FSHR: variants seen among roughly 807,000 people sequenced by gnomAD.
The protein encoded by FSHR is follicle stimulating hormone receptor.
A neutral mutation model predicts 52.1 loss-of-function variants in FSHR; 46 were observed. That is an observed-to-expected ratio of 0.88 (90% confidence interval 0.70 to 1.13). FSHR has a LOEUF of 1.13. FSHR is among the 50% of genes most tolerant of loss of function. The probability of loss-of-function intolerance (pLI) is 0.00; values close to 1 mark genes in which losing one functional copy is unlikely to be tolerated. For missense variants in FSHR, 964 were observed against 834.6 expected, an observed-to-expected ratio of 1.16 and a Z score of -1.91; for synonymous variants, 399 against 309.6, an observed-to-expected ratio of 1.29 and a Z score of -3.03.
chr2:49,122,938 C>T (rs892351236), intron 1 of FSHR, among the ~76,000 whole-genome samples: 5 of 152,144 alleles, frequency 3.3e-5, no homozygotes, highest in Admixed American at 6.5e-5. Context: ...TGGAGTCTAT[C>T]TGCCTAGCCC....
chr2:49,056,385 C>T (rs1669062727), intron 2 of FSHR, among the ~76,000 whole-genome samples: 1 of 148,616 alleles, frequency 6.7e-6, no homozygotes, highest in Non-Finnish European at 1.5e-5. Flanking sequence ...TAAAAAGAGA[C>T]ACAAATTAAC....
At chr2:49,008,950 G>C (rs927809299) in intron 4 of FSHR, among the ~76,000 whole-genome samples, 2 of 152,000 alleles carry the variant, frequency 1.3e-5, no homozygotes, top group Non-Finnish European at 2.9e-5. Flanking sequence ...TAAGTAGGTT[G>C]CGAAAATTTT....
intron 1 of FSHR, among the ~76,000 whole-genome samples, chr2:49,123,126 C>T (rs1055121305): frequency 1.3e-5 from 2 of 152,116 alleles, no homozygotes; most frequent in African/African-American, 4.8e-5. Context: ...CATATAGAGT[C>T]TATTTTCCCT....
chr2:49,151,584 A>G (rs2103862867), intron 1 of FSHR, among the ~76,000 whole-genome samples: 2 of 152,264 alleles, frequency 1.3e-5, no homozygotes, highest in East Asian at 3.9e-4. Flanking sequence ...AAAAATGTAC[A>G]TAGTAAAATG....
At chr2:49,017,440 C>T in intron 4 of FSHR, 49 bp downstream of exon 4, 3 of 1,398,682 alleles carry the variant, frequency 2.1e-6, no homozygotes, top group Non-Finnish European at 2.0e-6. Flanking sequence ...GTAAAATAGG[C>T]TTGCACTATT....
intron 4 of FSHR, chr2:49,014,697 C>T (rs1238064277): frequency 4.0e-6 from 1 of 247,424 alleles, no homozygotes; most frequent in Admixed American, 5.4e-5. Flanking sequence ...TCTCATTTAC[C>T]TGTTTCCAAT....
At chr2:49,079,072 G>C (rs1341004653) in intron 1 of FSHR, among the ~76,000 whole-genome samples, 2 of 152,008 alleles carry the variant, frequency 1.3e-5, no homozygotes, top group Admixed American at 6.6e-5. Flanking sequence ...AGATAGCTGG[G>C]TGTATGATTA....
At chr2:49,021,857 CTCTCTCTATA>C (rs1380842550) in intron 2 of FSHR, among the ~76,000 whole-genome samples, 2 of 37,708 alleles carry the variant, frequency 5.3e-5, no homozygotes, top group Admixed American at 3.8e-4. Context: ...CTCTCTCTCT[CTCTCTCTATA>C]TATATATATA....
intron 1 of FSHR, among the ~76,000 whole-genome samples, chr2:49,096,443 T>C (rs1357947260): frequency 6.6e-6 from 1 of 152,184 alleles, no homozygotes; most frequent in African/African-American, 2.4e-5. Context: ...CTGGTTGCCA[T>C]TGGCTAGGGG....
At chr2:49,066,927 G>T (rs1440809049) in intron 2 of FSHR, among the ~76,000 whole-genome samples, 1 of 152,032 alleles carries the variant, frequency 6.6e-6, no homozygotes, top group Non-Finnish European at 1.5e-5. Flanking sequence ...TGAGCATAAA[G>T]CTCTCCCACT....
intron 2 of FSHR, 77 bp downstream of exon 2, chr2:49,068,142 G>A (rs1246759550): frequency 9.2e-7 from 1 of 1,086,726 alleles, no homozygotes; most frequent in Non-Finnish European, 1.4e-6. Context: ...AGTGCAGATA[G>A]TCATACTAGA....
At chr2:49,133,053 C>G (rs933691084) in intron 1 of FSHR, among the ~76,000 whole-genome samples, 1 of 149,026 alleles carries the variant, frequency 6.7e-6, no homozygotes, top group Non-Finnish European at 1.5e-5. Flanking sequence ...CATCTCAGAG[C>G]GGGTGGAGAC....
intron 4 of FSHR, among the ~76,000 whole-genome samples, chr2:49,010,608 A>C (rs1333307000): frequency 2.0e-5 from 3 of 151,042 alleles, no homozygotes; most frequent in Non-Finnish European, 4.4e-5. Context: ...GAATGGTACC[A>C]GTTCCTCCTT....
chr2:49,014,465 C>G (rs1472556720), intron 4 of FSHR, among the ~76,000 whole-genome samples: 1 of 152,116 alleles, frequency 6.6e-6, no homozygotes, highest in African/African-American at 2.4e-5. Context: ...AGGCATAGCT[C>G]TGTTTCCTCT....
chr2:49,102,791 A>T (rs1671082189), intron 1 of FSHR, among the ~76,000 whole-genome samples: 1 of 152,124 alleles, frequency 6.6e-6, no homozygotes, highest in Non-Finnish European at 1.5e-5. Flanking sequence ...TTGTTTCTTT[A>T]ATTCCAACAT....
At chr2:49,052,694 C>T (rs1504188) in intron 2 of FSHR, among the ~76,000 whole-genome samples, 63,985 of 151,996 alleles carry the variant, frequency 0.42, 14,442 homozygotes, top group Non-Finnish European at 0.5. Context: ...TCATTTTTCA[C>T]CAGGAGCCAG....
chr2:48,986,894 T>C (rs1258691830), intron 6 of FSHR, among the ~76,000 whole-genome samples: 1 of 152,192 alleles, frequency 6.6e-6, no homozygotes, highest in Non-Finnish European at 1.5e-5. Context: ...AAGCACACTA[T>C]GCAAAACTAC....
intron 2 of FSHR, among the ~76,000 whole-genome samples, chr2:49,025,877 T>C (rs1411118256): frequency 6.6e-6 from 1 of 152,224 alleles, no homozygotes; most frequent in African/African-American, 2.4e-5. Flanking sequence ...AGGTAGAGCA[T>C]GTATGTGCCT....
At chr2:49,068,000 G>T (rs574816285) in intron 2 of FSHR, among the ~76,000 whole-genome samples, 1 of 151,454 alleles carries the variant, frequency 6.6e-6, no homozygotes, top group Non-Finnish European at 1.5e-5. Context: ...GATGAAAATT[G>T]CTTGGATTGC....
Sources: gnomAD v4.1 joint callset for allele counts (sites outside exome capture counted in the v4.1 genomes callset) on GRCh38, gnomAD v4.1.1 for gene constraint, MANE v1.5 for transcripts, NCBI Gene and HGNC (gene_info 2026-07-23, HGNC 2026-07-21) for gene names.